The following FCHSD2 variants were observed in gnomAD, a reference collection of about 807,000 sequenced individuals.
FCHSD2 encodes FCH and double SH3 domains 2, also known as F-BAR and double SH3 domains protein 2.
Under a neutral mutation model 108.1 loss-of-function variants are expected in FCHSD2, and 38 were observed. That is an observed-to-expected ratio of 0.35 (90% CI 0.27 to 0.46). The LOEUF is 0.46. Ranked by LOEUF, FCHSD2 falls within the 20% of genes least tolerant of loss-of-function variation. The pLI, the probability that FCHSD2 is intolerant of heterozygous loss-of-function variation, is 1.00. For synonymous variants in FCHSD2, 279 were observed against 314.7 expected (o/e 0.89, Z 1.20); for missense variants, 751 against 897.8 (o/e 0.84, Z 2.09).
At chr11:72,883,936 A>G (rs1487760562) in intron 12 of FCHSD2, among the ~76,000 whole-genome samples, 1 of 151,950 alleles carries the variant, frequency 6.6e-6, no homozygotes, top group South Asian at 2.1e-4. Context: ...TGTCTCAAAA[A>G]AAAAAAAAAA....
intron 2 of FCHSD2, among the ~76,000 whole-genome samples, chr11:73,087,257 T>C (rs940489613): frequency 2.6e-5 from 4 of 152,122 alleles, no homozygotes; most frequent in African/African-American, 9.7e-5. Context: ...CAAAAGCTTA[T>C]AAAGATATAA....
intron 8 of FCHSD2, among the ~76,000 whole-genome samples, chr11:72,959,316 A>ACC (rs1856778335): frequency 8.6e-6 from 1 of 116,704 alleles, no homozygotes; most frequent in African/African-American, 3.3e-5. Context: ...TGCAAGCTCC[A>ACC]CCCCCCAGGT....
At chr11:73,111,170 G>GT (rs1387698545) in intron 2 of FCHSD2, among the ~76,000 whole-genome samples, 1 of 152,136 alleles carries the variant, frequency 6.6e-6, no homozygotes, top group East Asian at 1.9e-4. Flanking sequence ...GAAATGTTCT[G>GT]TAACTACCAG....
chr11:73,069,789 G>A (rs1460131223), intron 3 of FCHSD2, among the ~76,000 whole-genome samples: 1 of 151,994 alleles, frequency 6.6e-6, no homozygotes, highest in African/African-American at 2.4e-5. Flanking sequence ...AGAGACCCAG[G>A]TTAACAAATA....
chr11:72,923,250 C>T (rs1388195340), intron 8 of FCHSD2, among the ~76,000 whole-genome samples: 1 of 152,072 alleles, frequency 6.6e-6, no homozygotes, highest in Non-Finnish European at 1.5e-5. Flanking sequence ...ATAAATAATG[C>T]TGCTATGAAC....
chr11:73,032,685 G>A (rs569004335), intron 3 of FCHSD2, among the ~76,000 whole-genome samples: 2 of 151,704 alleles, frequency 1.3e-5, no homozygotes, highest in Non-Finnish European at 2.9e-5. Context: ...CAGAGAGATC[G>A]AGTCAGGGAA....
At chr11:73,015,566 T>C (rs1407367921) in intron 4 of FCHSD2, among the ~76,000 whole-genome samples, 2 of 152,172 alleles carry the variant, frequency 1.3e-5, no homozygotes, top group African/African-American at 4.8e-5. Context: ...TAATTAATTA[T>C]ATAAAATATA....
intron 4 of FCHSD2, among the ~76,000 whole-genome samples, chr11:73,014,979 G>C (rs1043857046): frequency 6.6e-6 from 1 of 151,990 alleles, no homozygotes; most frequent in Non-Finnish European, 1.5e-5. Flanking sequence ...AAGTAGCTGC[G>C]ATTACAGGTG....
chr11:72,888,682 G>T (rs80298780), intron 11 of FCHSD2, among the ~76,000 whole-genome samples: 1,754 of 150,866 alleles, frequency 0.012, 28 homozygotes, highest in African/African-American at 0.041. Context: ...TCAGAGGCAT[G>T]ATCTTACCTC....
intron 11 of FCHSD2, 140 bp downstream of exon 11, chr11:72,889,689 G>T: frequency 1.7e-6 from 1 of 591,178 alleles, no homozygotes; most frequent in Admixed American, 2.9e-5. Flanking sequence ...CTTCAACCTG[G>T]GTGACAGAGC....
chr11:72,949,580 A>T (rs1170293858), intron 8 of FCHSD2, among the ~76,000 whole-genome samples: 1 of 152,232 alleles, frequency 6.6e-6, no homozygotes, highest in African/African-American at 2.4e-5. Context: ...TACTTTCTAC[A>T]TTTCTGGATT....
intron 3 of FCHSD2, among the ~76,000 whole-genome samples, chr11:73,033,169 T>G (rs1304699344): frequency 6.6e-6 from 1 of 151,898 alleles, no homozygotes. Flanking sequence ...GCACCTGTAG[T>G]TCCAGCTACT....
intron 3 of FCHSD2, among the ~76,000 whole-genome samples, chr11:73,049,993 G>A (rs893472848): frequency 3.9e-5 from 6 of 152,200 alleles, no homozygotes; most frequent in African/African-American, 1.4e-4. Context: ...GAGAGAGAGT[G>A]AAATACTGTC....
At chr11:73,033,896 A>C (rs1032749033) in intron 3 of FCHSD2, among the ~76,000 whole-genome samples, 2 of 152,186 alleles carry the variant, frequency 1.3e-5, no homozygotes, top group Non-Finnish European at 2.9e-5. Flanking sequence ...AAGTTGAAAC[A>C]TGATGGTAAA....
intron 3 of FCHSD2, among the ~76,000 whole-genome samples, chr11:73,078,692 G>C (rs1156764336): frequency 6.6e-6 from 1 of 151,898 alleles, no homozygotes; most frequent in Admixed American, 6.6e-5. Context: ...ACTGCTTCTG[G>C]GGCCCTGATA....
chr11:72,946,331 G>A (rs1370111652), intron 8 of FCHSD2, among the ~76,000 whole-genome samples: 1 of 148,506 alleles, frequency 6.7e-6, no homozygotes, highest in Non-Finnish European at 1.5e-5. Flanking sequence ...TCACTCATAG[G>A]TGGGAATTGA....
At chr11:72,878,694 TATA>T (rs1398816764) in intron 12 of FCHSD2, among the ~76,000 whole-genome samples, 1 of 152,186 alleles carries the variant, frequency 6.6e-6, no homozygotes, top group Non-Finnish European at 1.5e-5. Flanking sequence ...GATAAAAATC[TATA>T]ATAAGTTGAA....
intron 10 of FCHSD2, among the ~76,000 whole-genome samples, chr11:72,901,786 A>G (rs950437825): frequency 7.2e-5 from 11 of 152,232 alleles, no homozygotes; most frequent in African/African-American, 2.4e-4. Context: ...AGGAATTATA[A>G]AAGGCCTATA....
intron 12 of FCHSD2, among the ~76,000 whole-genome samples, chr11:72,872,271 CT>C (rs1286301477): frequency 1.2e-4 from 14 of 112,802 alleles, no homozygotes; most frequent in Admixed American, 6.5e-4. Context: ...TGGCACACAA[CT>C]TTTTTTTTCT....
Sources: allele counts gnomAD v4.1 joint callset (sites outside exome capture counted in the v4.1 genomes callset), GRCh38; gene constraint gnomAD v4.1.1; transcripts MANE v1.5; gene names NCBI Gene and HGNC (gene_info 2026-07-23, HGNC 2026-07-21).